The following KAT2B variants were observed in gnomAD, a reference collection of about 807,000 sequenced individuals.
KAT2B encodes histone acetyltransferase KAT2B.
A neutral mutation model predicts 105.9 loss-of-function variants in KAT2B; 36 were observed. That is an observed-to-expected ratio of 0.34 (90% CI 0.26 to 0.45). The LOEUF is 0.45. Ranked by LOEUF, KAT2B falls within the 20% of genes least tolerant of loss-of-function variation. KAT2B has a pLI of 1.00. For missense variants in KAT2B, 820 were observed against 1,021.6 expected, an observed-to-expected ratio of 0.80 and a Z score of 2.69; for synonymous variants, 397 against 377.9, an observed-to-expected ratio of 1.05 and a Z score of -0.59.
intron 13 of KAT2B, among the ~76,000 whole-genome samples, chr3:20,145,554 GTTTTTTTT>G (rs550166293): frequency 2.5e-4 from 23 of 92,084 alleles, no homozygotes; most frequent in Non-Finnish European, 4.2e-4. Context: ...GATTTTTTTA[GTTTTTTTT>G]TTTTTTTTTT....
intron 2 of KAT2B, among the ~76,000 whole-genome samples, chr3:20,090,672 T>G (rs1017085978): frequency 6.6e-6 from 1 of 152,198 alleles, no homozygotes; most frequent in Non-Finnish European, 1.5e-5. Context: ...AGTTTCCTTG[T>G]CTGGCTTTGG....
intron 17 of KAT2B, among the ~76,000 whole-genome samples, chr3:20,149,391 G>A (rs1229875574): frequency 1.3e-5 from 2 of 151,348 alleles, no homozygotes; most frequent in East Asian, 4.0e-4. Context: ...AGCTACTTGG[G>A]AGGCTGAGGT....
Position 20,040,600 on chromosome 3 carries a change from C to T in KAT2B, c.123C>T (p.Pro41=). Residue 41 remains proline, a synonymous_variant, in exon 1 of 18, where the codon CCC becomes CCT. Coordinates refer to ENST00000263754, the MANE Select transcript of KAT2B (RefSeq NM_003884.5). ...ALPPAPPQGS[P]CAAAAGGSGA... ...CGCCCGCGCCCCCGCAGGGCTCCCCCTGCGCCGCTGCCGCCGGGGGCTCGG... is the reference window on the plus strand; with the variant it reads ...CGCCCGCGCCCCCGCAGGGCTCCCCTTGCGCCGCTGCCGCCGGGGGCTCGG... 7.9e-7 allele frequency: 1 copy of T among 1,273,034 alleles called. No individual in the cohort carries two copies. The highest frequency in any genetic ancestry group is 1.0e-6 in the Non-Finnish European group (1 of 1,004,866). The allele number at this position is 1,273,034 out of a possible 1,614,324, so 78.9% of individuals were successfully genotyped here.
At chr3:20,147,837 AGTC>A in intron 14 of KAT2B, 123 bp from the exon 15 acceptor site, 1 of 798,552 alleles carries the variant, frequency 1.3e-6, no homozygotes, top group Non-Finnish European at 2.0e-6. Flanking sequence ...CATTAATTTC[AGTC>A]GTCTCTCAGA....
intron 2 of KAT2B, among the ~76,000 whole-genome samples, chr3:20,090,609 A>T (rs71316247): frequency 0.11 from 16,555 of 151,978 alleles, 1,160 homozygotes; most frequent in Admixed American, 0.16. Flanking sequence ...TCTGTTGTGT[A>T]TTTTTGCATC....
intron 7 of KAT2B, among the ~76,000 whole-genome samples, chr3:20,117,426 T>C (rs1379508347): frequency 6.6e-6 from 1 of 152,218 alleles, no homozygotes; most frequent in African/African-American, 2.4e-5. Flanking sequence ...TTCATAAGGA[T>C]GAACCTGAAA....
chr3:20,057,800 C>T (rs551181915), intron 1 of KAT2B, among the ~76,000 whole-genome samples: 1 of 152,098 alleles, frequency 6.6e-6, no homozygotes, highest in Non-Finnish European at 1.5e-5. Context: ...TATTTGGTAA[C>T]AACTGGAGCC....
At chr3:20,110,272 T>C (rs1699096394) in intron 5 of KAT2B, among the ~76,000 whole-genome samples, 4 of 152,152 alleles carry the variant, frequency 2.6e-5, no homozygotes, top group Admixed American at 2.0e-4. Context: ...GGAATAATGC[T>C]TTTTGACCTT....
chr3:20,049,713 A>T (rs1697881223), intron 1 of KAT2B, among the ~76,000 whole-genome samples: 1 of 152,234 alleles, frequency 6.6e-6, no homozygotes, highest in South Asian at 2.1e-4. Flanking sequence ...TAAAGTAAAC[A>T]AAATAAGCAT....
At chr3:20,135,380 C>T (rs551461655) in intron 11 of KAT2B, among the ~76,000 whole-genome samples, 41 of 152,228 alleles carry the variant, frequency 2.7e-4, no homozygotes, top group Non-Finnish European at 4.1e-4. Flanking sequence ...AGTGGCCGGG[C>T]GCGGTGGCTC....
At chr3:20,143,949 G>A (rs1466949842) in intron 13 of KAT2B, among the ~76,000 whole-genome samples, 8 of 152,070 alleles carry the variant, frequency 5.3e-5, no homozygotes, top group Admixed American at 5.2e-4. Context: ...CACTACTTGG[G>A]CAGTGAGATC....
chr3:20,118,332 G>GTGTA (rs1332364990), intron 7 of KAT2B, among the ~76,000 whole-genome samples: 2 of 128,802 alleles, frequency 1.6e-5, no homozygotes, highest in Non-Finnish European at 3.1e-5. Context: ...CTAAATTTGT[G>GTGTA]TGTGTGTGTG....
intron 5 of KAT2B, among the ~76,000 whole-genome samples, chr3:20,111,103 C>T (rs920549654): frequency 5.3e-5 from 8 of 152,140 alleles, no homozygotes; most frequent in African/African-American, 1.9e-4. Context: ...ACAAAAGGGT[C>T]TTCCTCAGCT....
chr3:20,073,181 A>G (rs1374153506), intron 2 of KAT2B, among the ~76,000 whole-genome samples: 1 of 152,216 alleles, frequency 6.6e-6, no homozygotes, highest in Admixed American at 6.5e-5. Flanking sequence ...CCTAGATACT[A>G]AAATTTCAGT....
intron 17 of KAT2B, 118 bp downstream of exon 17, chr3:20,148,605 G>A (rs1699817526): frequency 5.4e-6 from 4 of 741,782 alleles, no homozygotes; most frequent in Middle Eastern, 3.9e-4. Context: ...TGTATGACGG[G>A]TGGTGGGATT....
chr3:20,087,767 G>A (rs925811037), intron 2 of KAT2B, among the ~76,000 whole-genome samples: 1 of 151,978 alleles, frequency 6.6e-6, no homozygotes, highest in African/African-American at 2.4e-5. Context: ...TTGTCTTTCT[G>A]TGCCTGGCTT....
intron 5 of KAT2B, among the ~76,000 whole-genome samples, chr3:20,109,556 G>A (rs536604592): frequency 6.6e-6 from 1 of 152,082 alleles, no homozygotes; most frequent in Non-Finnish European, 1.5e-5. Flanking sequence ...GGGCTCAAGC[G>A]ATCTTCCTGC....
intron 2 of KAT2B, among the ~76,000 whole-genome samples, chr3:20,072,842 G>T (rs922527826): frequency 6.6e-6 from 1 of 152,164 alleles, no homozygotes; most frequent in African/African-American, 2.4e-5. Flanking sequence ...TGATAATAAT[G>T]ATCATTTTTA....
chr3:20,093,345 A>T (rs891421121), intron 2 of KAT2B, among the ~76,000 whole-genome samples: 4 of 152,310 alleles, frequency 2.6e-5, no homozygotes, highest in East Asian at 3.9e-4. Context: ...TTCCATCTGA[A>T]GAGTGAGGAA....
Sources: gnomAD v4.1 joint callset for allele counts (sites outside exome capture counted in the v4.1 genomes callset) on GRCh38, gnomAD v4.1.1 for gene constraint, MANE v1.5 for transcripts, NCBI Gene and HGNC (gene_info 2026-07-23, HGNC 2026-07-21) for gene names.